UBAP2L: variants seen among roughly 807,000 people sequenced by gnomAD.
UBAP2L encodes the protein ubiquitin-associated protein 2-like.
A neutral mutation model predicts 130.6 loss-of-function variants in UBAP2L; 12 were observed. The ratio of observed to expected loss-of-function variants is 0.09; its 90% CI spans 0.06 to 0.15. UBAP2L has a LOEUF of 0.15. UBAP2L is among the 10% of genes least tolerant of loss of function. The pLI is 1.00. For missense variants in UBAP2L, 965 were observed against 1,332.5 expected (o/e 0.72, Z 4.29); for synonymous variants, 503 against 524.7 (o/e 0.96, Z 0.57).
At chr1:154,220,252 G>A (rs945305853), upstream of UBAP2L, 3 of 1,463,872 alleles carry the variant, frequency 2.0e-6, no homozygotes, top group Non-Finnish European at 2.9e-6. Context: ...CAGGTGAGTG[G>A]GTGGAGAATG....
chr1:154,263,096 C>T (rs778146851), intron 24 of UBAP2L: 1 of 1,551,346 alleles, frequency 6.4e-7, no homozygotes, highest in South Asian at 1.2e-5. Context: ...TATTTGATTC[C>T]TTTTAGGAAG....
At chr1:154,251,779 C>G (rs1558190670) in intron 14 of UBAP2L, 126 bp downstream of exon 14, 2 of 1,073,610 alleles carry the variant, frequency 1.9e-6, no homozygotes, top group East Asian at 2.5e-5. Context: ...AGTAGTCAGT[C>G]ATAGCATTTT....
At chr1:154,229,716 G>A (rs1225293596) in intron 4 of UBAP2L, among the ~76,000 whole-genome samples, 2 of 152,166 alleles carry the variant, frequency 1.3e-5, no homozygotes, top group South Asian at 2.1e-4. Context: ...TGCCCGCCTC[G>A]TCCTCCCAAA....
intron 5 of UBAP2L, 113 bp from the exon 6 acceptor site, chr1:154,235,083 A>T: frequency 3.0e-6 from 2 of 672,060 alleles, no homozygotes; most frequent in Admixed American, 5.6e-5. Flanking sequence ...AATTCCCAAT[A>T]CCATATTACA....
In UBAP2L at chr1:154,248,315, T is replaced by C. The variant is rs16835905; in HGVS notation, c.1015-924T>C. ...TATGTACATGGAGAAAACAATCAAATCATACTGACTTGCTACTTGATTGTC... is the reference window on the plus strand; with the variant it reads ...TATGTACATGGAGAAAACAATCAAACCATACTGACTTGCTACTTGATTGTC... On this transcript the variant is annotated intron_variant, in intron 11 of 26. Transcript: ENST00000428931. 5.3e-3 allele frequency among the ~76,000 whole-genome samples: 805 copies of C among 152,228 alleles called. 28 individuals are homozygous for C. The East Asian group carries it at 0.088, about 17-fold the overall frequency.
At chr1:154,263,560 G>C (rs1682295737) in intron 24 of UBAP2L, 1 of 980,430 alleles carries the variant, frequency 1.0e-6, no homozygotes, top group East Asian at 1.1e-4. Flanking sequence ...ATGCTGTGCT[G>C]TGGATGAAGG....
chr1:154,270,790 C>CT lies in UBAP2L; in HGVS notation c.*496dup. ...TTTTTGTTTTTTTTTTTTTTTTGTA[C>CT]TGTGTCCTCAAATTTAATGGATTAA... On this transcript the variant is annotated 3_prime_UTR_variant, in exon 27 of 27. Transcript: ENST00000428931. The CT allele has an allele frequency of 2.6e-6, 1 of 384,936 alleles. No individual in the cohort carries two copies. The highest frequency in any genetic ancestry group is 4.2e-5 in the South Asian group (1 of 23,852). 23.8% of individuals were successfully genotyped at this position (384,936 alleles called of 1,614,324 possible). A position where few individuals can be genotyped will look rare whatever the true frequency, so the allele number is the denominator to read the frequency against.
At chr1:154,269,405 A>C in intron 26 of UBAP2L, 1 of 1,311,398 alleles carries the variant, frequency 7.6e-7, no homozygotes, top group Non-Finnish European at 1.0e-6. Flanking sequence ...CGCCAGCAGG[A>C]GGAGCAGGTA....
intron 1 of UBAP2L, among the ~76,000 whole-genome samples, chr1:154,222,745 T>TA (rs1666690912): frequency 1.3e-5 from 2 of 152,250 alleles, no homozygotes; most frequent in African/African-American, 4.8e-5. Flanking sequence ...GGGCAGCTAC[T>TA]AAGTCATACT....
In UBAP2L at chr1:154,249,872, A is replaced by G. The variant is rs1676909298; in HGVS notation, c.1213+435A>G. Among the ~76,000 whole-genome samples, 3 of 125,200 alleles carry G rather than the reference A, an allele frequency of 2.4e-5. 1 individual carries two copies. The South Asian group carries it at 9.9e-4, about 41-fold the overall frequency. The allele number at this position is 125,200 out of a possible 152,430, so 82.1% of individuals were successfully genotyped here. ...GTGAAGCTAGCTTTCCGCAAAAAAA[A>G]AAAAAAAAAGAAAAATTTTTAACCA... On this transcript the variant is annotated intron_variant, in intron 12 of 26. Transcript: ENST00000428931.
At chr1:154,266,276 T>A (rs970336564) in intron 24 of UBAP2L, among the ~76,000 whole-genome samples, 1 of 152,068 alleles carries the variant, frequency 6.6e-6, no homozygotes, top group Non-Finnish European at 1.5e-5. Context: ...CTTACCTCAC[T>A]CTCTCTCACG....
chr1:154,270,174 C>T (rs1684442634), intron 26 of UBAP2L, 26 bp from the exon 27 acceptor site: 2 of 1,560,504 alleles, frequency 1.3e-6, no homozygotes, highest in Middle Eastern at 1.8e-4. Flanking sequence ...CTTTTTCCTC[C>T]TCATGATCCT....
chr1:154,248,246 C>T (rs1676265770), intron 11 of UBAP2L, among the ~76,000 whole-genome samples: 1 of 152,094 alleles, frequency 6.6e-6, no homozygotes, highest in East Asian at 1.9e-4. Context: ...GGATTACAGG[C>T]GTGAGCCACC....
At chr1:154,242,195 C>G (rs1396667538) in intron 9 of UBAP2L, among the ~76,000 whole-genome samples, 1 of 152,176 alleles carries the variant, frequency 6.6e-6, no homozygotes. Flanking sequence ...TTTGCTGATT[C>G]CTGGTCACAG....
intron 26 of UBAP2L, chr1:154,269,842 G>A: frequency 4.6e-6 from 1 of 217,982 alleles, no homozygotes; most frequent in South Asian, 6.9e-5. Context: ...TCCAAATTGA[G>A]GCATTAATGG....
rs79652584 is a variant in UBAP2L, at chr1:154,241,397, C to G, written c.704-116C>G. The G allele has an allele frequency of 2.0e-3, 1,882 of 962,918 alleles. 23 individuals are homozygous for G. The African/African-American group carries it at 0.027, about 14-fold the overall frequency. The allele number at this position is 962,918 out of a possible 1,614,324, so 59.6% of individuals were successfully genotyped here. A position where few individuals can be genotyped will look rare whatever the true frequency, so the allele number is the denominator to read the frequency against. ...GCCACCACACCTGGCCTTCTGATTACTAAATTTTAGTCATACTTTTGGCTG... is the reference window on the plus strand; with the variant it reads ...GCCACCACACCTGGCCTTCTGATTAGTAAATTTTAGTCATACTTTTGGCTG... On this transcript the variant is annotated intron_variant, in intron 8 of 26. Transcript: ENST00000428931.
chr1:154,267,143 T>G (rs1240861304), intron 25 of UBAP2L, among the ~76,000 whole-genome samples: 2 of 149,178 alleles, frequency 1.3e-5, no homozygotes, highest in Non-Finnish European at 3.0e-5. Flanking sequence ...TTTTGAAATA[T>G]CCAACGAGTT....
At chr1:154,258,665 C>T (rs984475831) in intron 20 of UBAP2L, 8 of 212,692 alleles carry the variant, frequency 3.8e-5, no homozygotes, top group Non-Finnish European at 6.6e-5. Flanking sequence ...GTATAAGAGA[C>T]AGAGACTTGT....
At chr1:154,263,358 TA>T in intron 24 of UBAP2L, 1 of 1,389,126 alleles carries the variant, frequency 7.2e-7, no homozygotes, top group South Asian at 1.7e-5. Flanking sequence ...GACCCTGTCT[TA>T]CCCATTTCAA....
Sources: gnomAD v4.1 joint callset for allele counts (sites outside exome capture counted in the v4.1 genomes callset) on GRCh38, gnomAD v4.1.1 for gene constraint, MANE v1.5 for transcripts, NCBI Gene and HGNC (gene_info 2026-07-23, HGNC 2026-07-21) for gene names.